Variants in GABBR2 observed in about 807,000 individuals in gnomAD.
The protein encoded by GABBR2 is G-protein coupled receptor 51.
In GABBR2, 23 loss-of-function variants were observed where a neutral mutation model predicts 105.6. The observed-to-expected ratio is 0.22, with a 90% CI of 0.16 to 0.31. GABBR2 has a LOEUF of 0.31. Among genes scored for constraint, GABBR2 ranks in the 10% least tolerant of loss-of-function variants. The pLI is 1.00. For synonymous variants in GABBR2, 478 were observed against 499.7 expected (o/e 0.96, Z 0.58); for missense variants, 734 against 1,245.5 (o/e 0.59, Z 6.18).
intron 1 of GABBR2, among the ~76,000 whole-genome samples, chr9:98,594,252 T>C (rs1011473270): frequency 1.3e-5 from 2 of 152,158 alleles, no homozygotes; most frequent in Non-Finnish European, 2.9e-5. Flanking sequence ...ACCTTCCCAG[T>C]GTCTAGCCCC....
In GABBR2 at chr9:98,699,868, A is replaced by G. The variant is rs117343712; in HGVS notation, c.321+8549T>C. Among the ~76,000 whole-genome samples, 429 of 152,356 alleles carry G rather than the reference A, an allele frequency of 2.8e-3. 7 individuals carry two copies. The East Asian group carries it at 0.037, about 13-fold the overall frequency. ...TCACTGTGCACTGTTACATAACGCT[A>G]GAGAAGAAGAAGAAAAGAAAGTAAT... On this transcript the variant is annotated intron_variant, in intron 1 of 18. Coordinates refer to ENST00000259455, the MANE Select transcript of GABBR2 (RefSeq NM_005458.8).
chr9:98,449,831 T>TC (rs1826201956), intron 7 of GABBR2, among the ~76,000 whole-genome samples: 1 of 152,026 alleles, frequency 6.6e-6, no homozygotes, highest in Admixed American at 6.6e-5. Flanking sequence ...GGAGGGCCAA[T>TC]CCCAGGGCTG....
intron 14 of GABBR2, among the ~76,000 whole-genome samples, chr9:98,307,609 C>T (rs1830571641): frequency 6.6e-6 from 1 of 152,116 alleles, no homozygotes; most frequent in Non-Finnish European, 1.5e-5. Context: ...GACACAAGGC[C>T]AGGGGATATG....
At position 98,388,910 on chromosome 9, in the gene GABBR2, G is replaced by A. The variant is rs144313756; in HGVS notation, c.1473C>T (p.Leu491=). Residue 491 remains leucine, a synonymous_variant, in exon 10 of 19, where the codon CTC becomes CTT. Transcript: ENST00000259455. This position sits in a 1 kb window ranked among gnomAD's most constrained non-coding sequence, Gnocchi z 4.4. The part of the protein sequence containing the change: ...LYSILSALTI[L]GMIMASAFLF... The stretch of plus-strand genomic sequence containing the variant: ...GAAAAGCACTGGCCATGATCATCCC[G>A]AGGATGGTGAGGGCAGAGAGGATGC... 1,362 of 1,613,668 alleles carry A rather than the reference G, an allele frequency of 8.4e-4. 2 individuals carry two copies. The highest frequency in any genetic ancestry group is 1.3e-3 in the Admixed American group (76 of 60,008).
intron 13 of GABBR2, among the ~76,000 whole-genome samples, chr9:98,355,568 TA>T (rs898199841): frequency 3.3e-5 from 5 of 151,684 alleles, no homozygotes; most frequent in South Asian, 4.2e-4. Context: ...TGAAAGAAAA[TA>T]AAAAAAGATC....
chr9:98,663,710 C>A (rs1383749868), intron 1 of GABBR2, among the ~76,000 whole-genome samples: 1 of 149,448 alleles, frequency 6.7e-6, no homozygotes, highest in Non-Finnish European at 1.5e-5. Flanking sequence ...GGACCTGAGA[C>A]ATTTTGCAGA....
intron 8 of GABBR2, among the ~76,000 whole-genome samples, chr9:98,405,700 C>T (rs1832477693): frequency 1.3e-5 from 2 of 152,106 alleles, no homozygotes; most frequent in African/African-American, 4.8e-5. Flanking sequence ...TAAATCATCT[C>T]TAGATTTCTT....
intron 13 of GABBR2, among the ~76,000 whole-genome samples, chr9:98,331,190 A>G (rs894104990): frequency 9.9e-5 from 15 of 152,142 alleles, no homozygotes; most frequent in Non-Finnish European, 1.9e-4. Flanking sequence ...TGGCATTATA[A>G]ATAGCTCTCC....
chr9:98,356,916 C>A (rs953500357), intron 13 of GABBR2, among the ~76,000 whole-genome samples: 2 of 152,118 alleles, frequency 1.3e-5, no homozygotes, highest in Non-Finnish European at 2.9e-5. Context: ...TATGTAGGAA[C>A]CTTAAATGCA....
intron 6 of GABBR2, among the ~76,000 whole-genome samples, chr9:98,465,980 G>GT: frequency 6.6e-6 from 1 of 152,294 alleles, no homozygotes; most frequent in Admixed American, 6.5e-5. Context: ...TCTCATGCTA[G>GT]TGAGTGCGTT....
intron 13 of GABBR2, among the ~76,000 whole-genome samples, chr9:98,333,045 G>A (rs779734516): frequency 1.2e-4 from 19 of 152,264 alleles, no homozygotes; most frequent in Non-Finnish European, 2.4e-4. Context: ...GGGCTCAGGG[G>A]TCCCAGTGGC....
At chr9:98,404,942 G>A (rs1832463014) in intron 8 of GABBR2, among the ~76,000 whole-genome samples, 1 of 151,974 alleles carries the variant, frequency 6.6e-6, no homozygotes, top group South Asian at 2.1e-4. Context: ...TCGTTGAGAT[G>A]ATCAGGGGAT....
chr9:98,607,843 G>GA (rs901584035), intron 1 of GABBR2: 2 of 1,091,420 alleles, frequency 1.8e-6, no homozygotes, highest in Non-Finnish European at 2.8e-6. Flanking sequence ...ACAAATGGAA[G>GA]AAGAAAGAAG....
chr9:98,311,656 C>A (rs926918288), intron 13 of GABBR2, among the ~76,000 whole-genome samples: 1 of 152,216 alleles, frequency 6.6e-6, no homozygotes, highest in African/African-American at 2.4e-5. Flanking sequence ...AAGCCTGGGG[C>A]CTGCCAAACC....
At chr9:98,704,255 T>C (rs1156291830) in intron 1 of GABBR2, among the ~76,000 whole-genome samples, 1 of 152,190 alleles carries the variant, frequency 6.6e-6, no homozygotes, top group Non-Finnish European at 1.5e-5. Context: ...GGAAAAGATA[T>C]TTGGCAAAGC....
At chr9:98,360,073 T>G (rs1302228815) in intron 13 of GABBR2, among the ~76,000 whole-genome samples, 1 of 152,116 alleles carries the variant, frequency 6.6e-6, no homozygotes, top group Non-Finnish European at 1.5e-5. Context: ...CCTCAGGTGC[T>G]CAGAGTCCGG....
At chr9:98,408,064 G>A (rs1050457396) in intron 7 of GABBR2, among the ~76,000 whole-genome samples, 1 of 152,168 alleles carries the variant, frequency 6.6e-6, no homozygotes, top group East Asian at 1.9e-4. Flanking sequence ...TACAGGACAG[G>A]TGCTCAGCAA....
chr9:98,396,120 T>C (rs904396625), intron 8 of GABBR2, among the ~76,000 whole-genome samples: 2 of 152,166 alleles, frequency 1.3e-5, no homozygotes, highest in African/African-American at 4.8e-5. Flanking sequence ...GGTGCCTTGA[T>C]GGGATTCCTG....
chr9:98,678,211 A>T (rs1163646772), intron 1 of GABBR2, among the ~76,000 whole-genome samples: 1 of 152,170 alleles, frequency 6.6e-6, no homozygotes, highest in Non-Finnish European at 1.5e-5. Context: ...TTGCCAACTC[A>T]TTATTTTGGA....
Sources: gnomAD v4.1 joint callset for allele counts (sites outside exome capture counted in the v4.1 genomes callset) on GRCh38, gnomAD v4.1.1 for gene constraint, Gnocchi (gnomAD v3.1) non-coding constraint, MANE v1.5 for transcripts, NCBI Gene and HGNC (gene_info 2026-07-23, HGNC 2026-07-21) for gene names.